Variants in MARCHF1 observed in about 807,000 individuals in gnomAD.
MARCHF1 encodes the protein E3 ubiquitin-protein ligase MARCHF1.
A neutral mutation model predicts 54.2 loss-of-function variants in MARCHF1; 40 were observed. The ratio of observed to expected loss-of-function variants is 0.74; its 90% CI spans 0.57 to 0.96. MARCHF1 has a LOEUF of 0.96. MARCHF1 is among the 40% of genes least tolerant of loss of function. MARCHF1 has a pLI of 0.00. For synonymous variants in MARCHF1, 236 were observed against 236.3 expected, an observed-to-expected ratio of 1.00 and a Z score of 0.01; for missense variants, 586 against 656.5, an observed-to-expected ratio of 0.89 and a Z score of 1.17.
At chr4:164,025,731 A>G (rs1033674406) in intron 2 of MARCHF1, among the ~76,000 whole-genome samples, 1 of 151,998 alleles carries the variant, frequency 6.6e-6, no homozygotes, top group African/African-American at 2.4e-5. Flanking sequence ...CTAAAATTAG[A>G]GAGGAACTGA....
intron 2 of MARCHF1, among the ~76,000 whole-genome samples, chr4:164,049,284 A>G (rs1754305939): frequency 6.6e-6 from 1 of 152,162 alleles, no homozygotes; most frequent in Non-Finnish European, 1.5e-5. Flanking sequence ...TCATGAGAAC[A>G]GCATGGGGGA....
intron 1 of MARCHF1, among the ~76,000 whole-genome samples, chr4:164,327,877 A>G (rs1193055129): frequency 1.3e-5 from 2 of 152,124 alleles, no homozygotes; most frequent in Admixed American, 1.3e-4. Context: ...AGAAACAAGA[A>G]CAGATTGGCA....
At chr4:164,276,113 CCATTT>C (rs554411792) in intron 1 of MARCHF1, among the ~76,000 whole-genome samples, 46 of 152,206 alleles carry the variant, frequency 3.0e-4, no homozygotes, top group African/African-American at 1.0e-3. Flanking sequence ...TTTTCCTCCT[CCATTT>C]CTTGTTCATT....
intron 1 of MARCHF1, among the ~76,000 whole-genome samples, chr4:164,142,503 G>T (rs1560924155): frequency 6.6e-6 from 1 of 152,148 alleles, no homozygotes; most frequent in Non-Finnish European, 1.5e-5. Flanking sequence ...TCCTCAAGTG[G>T]GTCCCTGACC....
intron 2 of MARCHF1, among the ~76,000 whole-genome samples, chr4:164,069,532 C>T (rs934601914): frequency 1.1e-4 from 17 of 151,968 alleles, no homozygotes; most frequent in South Asian, 4.2e-4. Flanking sequence ...CCAGACACGC[C>T]GCCTTAAGAG....
At position 164,146,917 on chromosome 4, in the gene MARCHF1, C is replaced by T. The variant is rs756731339; in HGVS notation, c.-322-35255G>A. Among the ~76,000 whole-genome samples the T allele has an allele frequency of 1.1e-3, 169 of 149,280 alleles. 1 individual carries two copies. Among genetic ancestry groups the T allele is most frequent in the Non-Finnish European group, 2.1e-3 (141 of 66,962 alleles). ...CAAAATGGGAGAAAATTTTTGCAAC[C>T]TACTCCTCTGACAAAGGGCTAATAT... is the stretch of plus-strand genomic sequence containing the variant. On this transcript the variant is annotated intron_variant, in intron 1 of 9. Transcript: ENST00000514618.
At chr4:163,921,202 A>G (rs1405666893) in intron 3 of MARCHF1, among the ~76,000 whole-genome samples, 11 of 152,286 alleles carry the variant, frequency 7.2e-5, no homozygotes, top group Admixed American at 5.2e-4. Flanking sequence ...TCTTAAACAC[A>G]CACAGTGCTA....
intron 1 of MARCHF1, among the ~76,000 whole-genome samples, chr4:164,163,021 C>T (rs1730280300): frequency 6.6e-6 from 1 of 152,028 alleles, no homozygotes. Context: ...TGGAATTCTA[C>T]ACTCAGTGAA....
chr4:163,756,631 C>CAAAA lies in MARCHF1; in HGVS notation c.112-55772_112-55769dup, dbSNP rs67382228. Among the ~76,000 whole-genome samples, 11 of 67,576 alleles carry CAAAA rather than the reference C, an allele frequency of 1.6e-4. 1 individual carries two copies. Among genetic ancestry groups the CAAAA allele is most frequent in the East Asian group, 1.4e-3 (2 of 1,458 alleles). 44.3% of individuals were successfully genotyped at this position (67,576 alleles called of 152,430 possible). On this transcript the variant is annotated intron_variant, in intron 4 of 9. Coordinates refer to ENST00000514618, the MANE Select transcript of MARCHF1 (RefSeq NM_001394959.1). ...TGGGCGACAGAGCGAGACTCTGTCT[C>CAAAA]AAAAAAAAAAAAAAAAAAAAAAAAA... is the stretch of plus-strand genomic sequence containing the variant.
At chr4:163,879,790 A>G (rs1332902631) in intron 3 of MARCHF1, among the ~76,000 whole-genome samples, 1 of 138,720 alleles carries the variant, frequency 7.2e-6, no homozygotes, top group Non-Finnish European at 1.5e-5. Flanking sequence ...TTTGTTAAAG[A>G]AAGGATTTAG....
intron 4 of MARCHF1, among the ~76,000 whole-genome samples, chr4:163,706,088 A>G (rs1744940582): frequency 6.6e-6 from 1 of 152,080 alleles, no homozygotes; most frequent in Non-Finnish European, 1.5e-5. Flanking sequence ...GTGGCATTAT[A>G]TCTCCCAGCC....
In MARCHF1 at chr4:163,621,082, G is replaced by C. The variant is rs193286789; in HGVS notation, c.163-7689C>G. Among the ~76,000 whole-genome samples, 165 of 152,272 alleles carry C rather than the reference G, an allele frequency of 1.1e-3. 2 individuals carry two copies. In the Middle Eastern group the frequency reaches 0.014, roughly 13 times the overall value. The stretch of plus-strand genomic sequence containing the variant: ...ATAATAACATCCACATAAAAGGATT[G>C]TGAGGATAATAACATGAAATCATTG... On this transcript the variant is annotated intron_variant, in intron 5 of 9. Coordinates refer to ENST00000514618, the MANE Select transcript of MARCHF1 (RefSeq NM_001394959.1).
chr4:164,088,580 A>G (rs1755236749), intron 2 of MARCHF1, among the ~76,000 whole-genome samples: 1 of 152,052 alleles, frequency 6.6e-6, no homozygotes, highest in Non-Finnish European at 1.5e-5. Flanking sequence ...TCTACAAAAA[A>G]TACAAACTTT....
chr4:163,657,233 G>A (rs981495077), intron 5 of MARCHF1, among the ~76,000 whole-genome samples: 2 of 151,916 alleles, frequency 1.3e-5, no homozygotes, highest in Admixed American at 1.3e-4. Flanking sequence ...AAATCAATGT[G>A]CAAAAGTCAC....
intron 8 of MARCHF1, among the ~76,000 whole-genome samples, chr4:163,576,766 G>C (rs188117777): frequency 4.0e-4 from 61 of 151,690 alleles, no homozygotes; most frequent in African/African-American, 1.4e-3. Flanking sequence ...GTTAAATCTT[G>C]TTGTTGAAAT....
At chr4:163,540,822 G>A (rs555407303) in intron 9 of MARCHF1, among the ~76,000 whole-genome samples, 1 of 152,248 alleles carries the variant, frequency 6.6e-6, no homozygotes, top group South Asian at 2.1e-4. Context: ...AGGTGTTCAG[G>A]ACCAGCCTGG....
At chr4:164,181,530 T>G (rs1442165949) in intron 1 of MARCHF1, among the ~76,000 whole-genome samples, 1 of 152,180 alleles carries the variant, frequency 6.6e-6, no homozygotes, top group Non-Finnish European at 1.5e-5. Context: ...GGCATTCTAA[T>G]AAAATTCTAA....
intron 1 of MARCHF1, among the ~76,000 whole-genome samples, chr4:164,256,221 C>CA (rs1214664027): frequency 6.6e-6 from 1 of 151,412 alleles, no homozygotes; most frequent in African/African-American, 2.4e-5. Context: ...AACAACAAGT[C>CA]AAAAATCTAA....
chr4:164,299,981 T>G (rs1734508674), intron 1 of MARCHF1, among the ~76,000 whole-genome samples: 1 of 152,200 alleles, frequency 6.6e-6, no homozygotes, highest in Admixed American at 6.5e-5. Context: ...TTAGCAAATG[T>G]GTTCAGTTAG....
Sources: allele counts gnomAD v4.1 joint callset (sites outside exome capture counted in the v4.1 genomes callset), GRCh38; gene constraint gnomAD v4.1.1; transcripts MANE v1.5; gene names NCBI Gene and HGNC (gene_info 2026-07-23, HGNC 2026-07-21).